MYCBP2: variants seen among roughly 807,000 people sequenced by gnomAD.
MYCBP2 encodes MYC binding protein 2.
In MYCBP2, 120 loss-of-function variants were observed where a neutral mutation model predicts 525.3. The observed-to-expected ratio is 0.23, with a 90% CI of 0.20 to 0.27. The LOEUF (loss-of-function observed/expected upper bound fraction) is 0.27. Among genes scored for constraint, MYCBP2 ranks in the 10% least tolerant of loss-of-function variants. MYCBP2 has a pLI of 1.00. For synonymous variants in MYCBP2, 1,894 were observed against 1,955.8 expected (o/e 0.97, Z 0.83); for missense variants, 4,149 against 5,657.1 (o/e 0.73, Z 8.55).
chr13:77,073,726 T>A (rs1399393494), intron 68 of MYCBP2, among the ~76,000 whole-genome samples: 7 of 152,042 alleles, frequency 4.6e-5, no homozygotes, highest in African/African-American at 1.7e-4. Flanking sequence ...TCAATTCTAT[T>A]TTTATACACT....
rs1302262349 is a variant in MYCBP2 at position 77,168,482 on chromosome 13, A to G, written c.6060T>C (p.Tyr2020=). Residue 2020 remains tyrosine (Y), a synonymous_variant, in exon 40 of 83, where the codon TAT becomes TAC. Coordinates refer to ENST00000544440, the MANE Select transcript of MYCBP2 (RefSeq NM_015057.5). ...GLSACTTSSH[Y]AVIESEHPYK... is the part of the protein sequence containing the mutation. ...ACGGGTGCTCACTCTCTATGACAGC[A>G]TAGTGACTGGAGGTTGTACAAGCAG... is the stretch of plus-strand genomic sequence containing the variant. 1 of 1,614,034 alleles carries G rather than the reference A, an allele frequency of 6.2e-7. No individual in the cohort carries two copies. The highest frequency in any genetic ancestry group is 8.5e-7 in the Non-Finnish European group (1 of 1,180,042).
At chr13:77,315,894 CAAAAAAAAA>C (rs34819956) in intron 1 of MYCBP2, among the ~76,000 whole-genome samples, 2 of 94,272 alleles carry the variant, frequency 2.1e-5, no homozygotes, top group African/African-American at 8.0e-5. Context: ...GGCTCTGTCT[CAAAAAAAAA>C]AAAAAAAAAA....
intron 20 of MYCBP2, 118 bp downstream of exon 20, chr13:77,224,333 A>G: frequency 1.5e-6 from 1 of 681,092 alleles, no homozygotes; most frequent in South Asian, 1.9e-5. Context: ...AAGCAGTGGT[A>G]TAATATTATT....
chr13:77,180,145 C>G lies in MYCBP2; in HGVS notation c.5115G>C (p.Ala1705=), dbSNP rs377188860. Residue 1705 remains alanine, a synonymous_variant, in exon 34 of 83, where the codon GCG becomes GCC. Coordinates refer to ENST00000544440, the MANE Select transcript of MYCBP2 (RefSeq NM_015057.5). ...LLASIVSELT[A]SALGSEVDGL... ...GTATTACCTCAGATCCCAGGGCTGA[C>G]GCTGTCAGTTCACTGACAATGCTGG... 3.7e-6 allele frequency: 6 copies of G among 1,613,792 alleles called. No individual in the cohort carries two copies. The African/African-American group carries it at 8.0e-5, about 22-fold the overall frequency.
Position 77,109,429 on chromosome 13 carries a change from C to G in MYCBP2, c.8141-10416G>C, listed in dbSNP as rs111998384. The stretch of plus-strand genomic sequence containing the variant: ...GTAATGCTCTCCTCCTGCTGTACAG[C>G]TGGGTTCCTAACAGGCCTTGGACCA... On this transcript the variant is annotated intron_variant, in intron 55 of 82. Transcript: ENST00000544440. 2.0e-3 allele frequency among the ~76,000 whole-genome samples: 309 copies of G among 152,310 alleles called. 2 individuals are homozygous for G. The highest frequency in any genetic ancestry group is 5.4e-3 in the African/African-American group (225 of 41,578).
intron 23 of MYCBP2, among the ~76,000 whole-genome samples, chr13:77,209,341 T>C (rs1046778860): frequency 1.3e-5 from 2 of 152,378 alleles, no homozygotes; most frequent in Non-Finnish European, 2.9e-5. Context: ...ACTTAGTGAA[T>C]GCATCCAGAA....
intron 4 of MYCBP2, among the ~76,000 whole-genome samples, chr13:77,278,394 C>G (rs1050843413): frequency 1.3e-5 from 2 of 152,218 alleles, no homozygotes; most frequent in Non-Finnish European, 2.9e-5. Context: ...AACTTCAACT[C>G]TTAAACCATA....
In MYCBP2 at chr13:77,098,307, G is replaced by T; in HGVS notation, c.8847C>A (p.Ser2949Arg). The change falls in exon 56 of 83, where the codon AGC becomes AGA. Residue 2949 changes from serine to arginine, a missense_variant. Physicochemically the swap from Ser to Arg is moderately radical, Grantham distance 110 (BLOSUM62 -1). Coordinates refer to ENST00000544440, the MANE Select transcript of MYCBP2 (RefSeq NM_015057.5). ...TAAATTCACTGCTGTCATCGCAGGT[G>T]CTGTCTGTTAGACTATTTGTTTTTA... ...STLKTNSLTD[S>R]TCDDSSEFKS... is the part of the protein sequence containing the mutation. 6.2e-7 allele frequency: 1 copy of T among 1,611,524 alleles called. No individual in the cohort carries two copies.
At chr13:77,152,597 G>A (rs2056636405) in intron 46 of MYCBP2, among the ~76,000 whole-genome samples, 1 of 152,158 alleles carries the variant, frequency 6.6e-6, no homozygotes, top group Non-Finnish European at 1.5e-5. Context: ...GAGACAAGTG[G>A]CGAATACCAA....
chr13:77,325,586 A>G (rs1224065707), intron 1 of MYCBP2, among the ~76,000 whole-genome samples: 4 of 152,234 alleles, frequency 2.6e-5, no homozygotes, highest in African/African-American at 9.6e-5. Context: ...AGACAAATCT[A>G]CGCGCTATTC....
chr13:77,224,111 T>A (rs908217544), intron 20 of MYCBP2, among the ~76,000 whole-genome samples: 4 of 152,214 alleles, frequency 2.6e-5, no homozygotes, highest in African/African-American at 9.6e-5. Flanking sequence ...TGACATTTTT[T>A]AAAAATACAA....
intron 29 of MYCBP2, 21 bp downstream of exon 29, chr13:77,190,231 C>A: frequency 6.9e-7 from 1 of 1,441,546 alleles, no homozygotes; most frequent in Non-Finnish European, 9.7e-7. Context: ...CATACTAATT[C>A]AGTATAAATA....
chr13:77,185,016 G>A (rs2060592447), intron 32 of MYCBP2, 87 bp downstream of exon 32: 1 of 1,202,356 alleles, frequency 8.3e-7, no homozygotes, highest in African/African-American at 1.5e-5. Flanking sequence ...TACAAGTTAA[G>A]AAGATATGGC....
rs774273118 is a variant in MYCBP2 at position 77,098,710 on chromosome 13, G to C, written c.8444C>G (p.Pro2815Arg). 1.2e-6 allele frequency: 2 copies of C among 1,613,480 alleles called. No individual in the cohort carries two copies. The highest frequency in any genetic ancestry group is 2.2e-5 in the South Asian group (2 of 91,044). The change falls in exon 56 of 83, where the codon CCA (proline) becomes CGA (arginine). Residue 2815 changes from proline to arginine, a missense_variant. Transcript: ENST00000544440. ...PSSSRAESPG[P>R]GSRLSSPKPK... ...CTTAGGAGATGACAACCGAGAACCT[G>C]GTCCTGGGGATTCAGCTCTGGAGCT...
In MYCBP2 at chr13:77,326,712, A is replaced by ATCCG; in HGVS notation, c.60_63dup (p.Phe22ArgfsTer67). ...GAAGAGAAGGTGGCGGCTGGGTAGA[A>ATCCG]TCCGTCCCCGCCGAGCCCCGAGGAG... On this transcript the variant is annotated frameshift_variant, in exon 1 of 83. Transcript: ENST00000544440. LOFTEE classifies it high-confidence loss of function. The surrounding 1 kb of genome is among the most constrained non-coding windows in gnomAD (Gnocchi z 4.2). 7.0e-7 allele frequency: 1 copy of ATCCG among 1,422,216 alleles called. No homozygotes were observed. Among genetic ancestry groups the ATCCG allele is most frequent in the Non-Finnish European group, 9.1e-7 (1 of 1,099,634 alleles). 88.1% of individuals were successfully genotyped at this position (1,422,216 alleles called of 1,614,324 possible). A position where few individuals can be genotyped will look rare whatever the true frequency, so the allele number is the denominator to read the frequency against.
chr13:77,060,361 T>A (rs1420899055), intron 76 of MYCBP2, among the ~76,000 whole-genome samples: 1 of 152,238 alleles, frequency 6.6e-6, no homozygotes, highest in Non-Finnish European at 1.5e-5. Flanking sequence ...TATACAGCAC[T>A]GACAGATTAT....
At chr13:77,053,419 G>A (rs2037242608) in intron 80 of MYCBP2, among the ~76,000 whole-genome samples, 1 of 152,148 alleles carries the variant, frequency 6.6e-6, no homozygotes, top group Admixed American at 6.5e-5. Context: ...TAAACAAACT[G>A]AGTCAATATA....
At chr13:77,318,634 A>T (rs1487177905) in intron 1 of MYCBP2, among the ~76,000 whole-genome samples, 2 of 152,102 alleles carry the variant, frequency 1.3e-5, no homozygotes, top group Non-Finnish European at 2.9e-5. Context: ...CACGCCTGTA[A>T]TCCCAACTAC....
chr13:77,079,494 T>C (rs986047356), intron 65 of MYCBP2, among the ~76,000 whole-genome samples: 2 of 152,266 alleles, frequency 1.3e-5, no homozygotes, highest in Admixed American at 6.5e-5. Context: ...AAGAAATAGA[T>C]TAACATTAAT....
Sources: gnomAD v4.1 joint callset for allele counts (sites outside exome capture counted in the v4.1 genomes callset) on GRCh38, gnomAD v4.1.1 for gene constraint, Gnocchi (gnomAD v3.1) non-coding constraint, MANE v1.5 for transcripts, NCBI Gene and HGNC (gene_info 2026-07-23, HGNC 2026-07-21) for gene names.